Variants in NLGN4X observed in about 807,000 individuals in gnomAD.
NLGN4X encodes the protein neuroligin-4, X-linked.
Under a neutral mutation model 40.3 loss-of-function variants are expected in NLGN4X, and 3 were observed. The observed-to-expected ratio is 0.07, with a 90% CI of 0.03 to 0.19. NLGN4X has a LOEUF of 0.19. Ranked by LOEUF, NLGN4X falls within the 10% of genes least tolerant of loss-of-function variation. NLGN4X has a pLI of 1.00. For missense variants in NLGN4X, 382 were observed against 708.3 expected (o/e 0.54, Z 5.23); for synonymous variants, 270 against 306.8 (o/e 0.88, Z 1.25).
chrX:5,984,783 G>T (rs745788735), intron 3 of NLGN4X, among the ~76,000 whole-genome samples: 3 of 112,055 alleles, frequency 2.7e-5, no homozygotes, highest in African/African-American at 9.7e-5. Flanking sequence ...TGAGAATATT[G>T]TTCAAGAAGA....
At chrX:6,063,880 C>T (rs1332178585) in intron 2 of NLGN4X, among the ~76,000 whole-genome samples, 1 of 112,080 alleles carries the variant, frequency 8.9e-6, no homozygotes, top group Non-Finnish European at 1.9e-5. Flanking sequence ...AGTCCTTGTC[C>T]TTCCAAGGTT....
Position 5,967,524 on chromosome X carries a change from T to A in NLGN4X, c.626-58285A>T, listed in dbSNP as rs1195907359. Among the ~76,000 whole-genome samples the A allele has an allele frequency of 3.6e-5, 4 of 110,791 alleles. No individual in the cohort carries two copies. The East Asian group carries it at 1.1e-3, about 32-fold the overall frequency. On this transcript the variant is annotated intron_variant, in intron 3 of 5. Coordinates refer to ENST00000381095, the MANE Select transcript of NLGN4X (RefSeq NM_181332.3). ...CCTGAGACCACAAAGCTAAGGAAGG[T>A]GGAAGGAATTTAGTTAGAAGCTGAG...
chrX:5,959,817 G>C (rs146611245), intron 3 of NLGN4X, among the ~76,000 whole-genome samples: 2,094 of 110,952 alleles, frequency 0.019, 16 homozygotes, highest in Non-Finnish European at 0.031. Flanking sequence ...TGATTTCTTC[G>C]TGGTGATGCT....
intron 3 of NLGN4X, chrX:5,991,667 A>G (rs183966189): frequency 2.7e-5 from 10 of 368,844 alleles, no homozygotes; most frequent in Non-Finnish European, 3.9e-5. Flanking sequence ...ACAGTAAACA[A>G]GTGTGAATGA....
At chrX:6,172,556 T>C (rs1286259169) in intron 1 of NLGN4X, among the ~76,000 whole-genome samples, 1 of 112,217 alleles carries the variant, frequency 8.9e-6, no homozygotes, top group Non-Finnish European at 1.9e-5. Flanking sequence ...ATGTTTTTTA[T>C]GAGTCACTAT....
intron 2 of NLGN4X, among the ~76,000 whole-genome samples, chrX:6,063,198 C>T (rs771065060): frequency 5.4e-5 from 6 of 111,991 alleles, no homozygotes; most frequent in South Asian, 3.7e-4. Flanking sequence ...ACTTTGGCCA[C>T]GTATGGTGGC....
intron 2 of NLGN4X, among the ~76,000 whole-genome samples, chrX:6,115,755 C>A (rs1191131421): frequency 9.0e-6 from 1 of 111,596 alleles, no homozygotes; most frequent in East Asian, 2.8e-4. Flanking sequence ...AAGGCAGAAT[C>A]TTTGTGATTG....
chrX:5,954,425 A>G (rs1442576384), intron 3 of NLGN4X, among the ~76,000 whole-genome samples: 1 of 83,672 alleles, frequency 1.2e-5, no homozygotes. Flanking sequence ...TTAAGAGATG[A>G]GGTCTCACTA....
At chrX:6,023,970 G>A (rs1249109211) in intron 3 of NLGN4X, among the ~76,000 whole-genome samples, 1 of 110,584 alleles carries the variant, frequency 9.0e-6, no homozygotes, top group Non-Finnish European at 1.9e-5. Flanking sequence ...TTACATCGAA[G>A]GTCTTTGGAC....
Position 5,893,464 on chromosome X carries a change from C to T in NLGN4X, c.1804G>A (p.Glu602Lys), listed in dbSNP as rs1362464602. 5.8e-6 allele frequency: 7 copies of T among 1,202,781 alleles called. No homozygotes were observed. The highest frequency in any genetic ancestry group is 3.4e-6 in the Non-Finnish European group (3 of 888,963). ...GTTGTTGAAACATACTGGAATATCTCGTTCAAGTTGTGCAAATGAGGAACG... is the reference window on the plus strand; with the variant it reads ...GTTGTTGAAACATACTGGAATATCTTGTTCAAGTTGTGCAAATGAGGAACG... ...ELVPHLHNLN[E>K]IFQYVSTTTK... Residue 602 changes from glutamate to lysine, a missense_variant, in exon 6 of 6, where the codon GAG becomes AAG. Glu to Lys is a moderately conservative substitution (Grantham distance 56). This residue lies in a region of NLGN4X where 149 missense variants were observed against 375.8 expected (regional missense o/e 0.40). Coordinates refer to ENST00000381095, the MANE Select transcript of NLGN4X (RefSeq NM_181332.3).
chrX:6,088,319 G>A (rs1602207155), intron 2 of NLGN4X, among the ~76,000 whole-genome samples: 1 of 111,932 alleles, frequency 8.9e-6, no homozygotes, highest in South Asian at 3.7e-4. Context: ...CATGGTCCAC[G>A]GCTAGAGCCC....
At chrX:5,950,873 T>C (rs998151941) in intron 3 of NLGN4X, among the ~76,000 whole-genome samples, 9 of 111,923 alleles carry the variant, frequency 8.0e-5, no homozygotes, top group Non-Finnish European at 1.7e-4. Context: ...AAAACCCTTC[T>C]GTCATTCTCA....
At chrX:5,989,752 C>T (rs183089610) in intron 3 of NLGN4X, among the ~76,000 whole-genome samples, 1 of 111,086 alleles carries the variant, frequency 9.0e-6, no homozygotes, top group African/African-American at 3.3e-5. Context: ...TCCTCCTTAC[C>T]AGGGGCAGTG....
At chrX:6,153,613 G>T (rs1009577326) in intron 1 of NLGN4X, among the ~76,000 whole-genome samples, 5 of 112,287 alleles carry the variant, frequency 4.5e-5, no homozygotes, top group Admixed American at 9.5e-5. Flanking sequence ...GACTAAATGA[G>T]ATAGTATGTA....
At chrX:6,136,863 G>T (rs765653816) in intron 2 of NLGN4X, among the ~76,000 whole-genome samples, 2 of 112,143 alleles carry the variant, frequency 1.8e-5, no homozygotes, top group Non-Finnish European at 3.8e-5. Context: ...TAGCCTAAAG[G>T]CTAAAAATGT....
At chrX:6,161,449 A>C (rs932217982) in intron 1 of NLGN4X, among the ~76,000 whole-genome samples, 12 of 100,356 alleles carry the variant, frequency 1.2e-4, no homozygotes, top group African/African-American at 4.2e-4. Context: ...TACATATAGA[A>C]TAATATAAAA....
At chrX:6,223,158 T>G (rs1281787044) in intron 1 of NLGN4X, among the ~76,000 whole-genome samples, 3 of 110,927 alleles carry the variant, frequency 2.7e-5, no homozygotes, top group East Asian at 2.8e-4. Flanking sequence ...GTAGGATACA[T>G]ATCTTACTAT....
intron 2 of NLGN4X, among the ~76,000 whole-genome samples, chrX:6,089,347 A>G (rs1439457999): frequency 9.0e-6 from 1 of 111,718 alleles, no homozygotes. Flanking sequence ...TAGTTTGTAC[A>G]TGGCTATACT....
At chrX:6,003,905 T>C (rs1284582865) in intron 3 of NLGN4X, among the ~76,000 whole-genome samples, 1 of 111,378 alleles carries the variant, frequency 9.0e-6, no homozygotes, top group Non-Finnish European at 1.9e-5. Flanking sequence ...GAGTTCATTC[T>C]TGCTGGTGCC....
Sources: allele counts gnomAD v4.1 joint callset (sites outside exome capture counted in the v4.1 genomes callset), GRCh38; gene constraint gnomAD v4.1.1; regional missense constraint gnomAD v4.1.1; transcripts MANE v1.5; gene names NCBI Gene and HGNC (gene_info 2026-07-23, HGNC 2026-07-21).